The following GRID2 variants were observed in gnomAD, a reference collection of about 807,000 sequenced individuals.
GRID2 encodes the protein glutamate ionotropic receptor delta type subunit 2, also known as glutamate receptor ionotropic, delta-2.
Under a neutral mutation model 114.8 loss-of-function variants are expected in GRID2, and 33 were observed. That is an observed-to-expected ratio of 0.29 (90% CI 0.22 to 0.38). The LOEUF is 0.38. Among genes scored for constraint, GRID2 ranks in the 10% least tolerant of loss-of-function variants. The pLI, the probability that GRID2 is intolerant of heterozygous loss-of-function variation, is 1.00. For synonymous variants in GRID2, 505 were observed against 449.9 expected, an observed-to-expected ratio of 1.12 and a Z score of -1.55; for missense variants, 1,184 against 1,257.7, an observed-to-expected ratio of 0.94 and a Z score of 0.89.
intron 2 of GRID2, among the ~76,000 whole-genome samples, chr4:92,908,561 C>CAAAAAAAAAAAAAAAAA (rs762037449): frequency 2.8e-5 from 1 of 35,996 alleles, no homozygotes; most frequent in African/African-American, 8.9e-5. Flanking sequence ...GACTCCATCT[C>CAAAAAAAAAAAAAAAAA]AAAAAAAAAA....
At chr4:93,745,091 A>G (rs1462239402) in intron 14 of GRID2, among the ~76,000 whole-genome samples, 1 of 152,192 alleles carries the variant, frequency 6.6e-6, no homozygotes, top group Non-Finnish European at 1.5e-5. Context: ...TGGGAAAACA[A>G]AAACATGACT....
rs546628980 is a variant in GRID2 at position 92,991,791 on chromosome 4, T to C, written c.245-93204T>C. On this transcript the variant is annotated intron_variant, in intron 2 of 15. Transcript: ENST00000282020. ...GCTGCACCTGCGAGTAATTTAGGCC[T>C]GAGTACAAATACACAAAAGTTAGGA... Among the ~76,000 whole-genome samples, 15 of 152,302 alleles carry C rather than the reference T, an allele frequency of 9.8e-5. No individual in the cohort carries two copies. In the South Asian group the frequency reaches 3.1e-3, roughly 32 times the overall value.
intron 2 of GRID2, among the ~76,000 whole-genome samples, chr4:92,847,169 T>C (rs1456062948): frequency 1.3e-5 from 2 of 152,102 alleles, no homozygotes; most frequent in African/African-American, 4.8e-5. Context: ...TTAGCCATTG[T>C]CAGTGTTGCA....
intron 13 of GRID2, among the ~76,000 whole-genome samples, chr4:93,570,585 T>C (rs1735846205): frequency 2.0e-5 from 3 of 152,148 alleles, no homozygotes; most frequent in Admixed American, 1.3e-4. Flanking sequence ...CCAGCAAGCC[T>C]AAAGCTTGCT....
At chr4:92,429,209 A>G (rs543559602) in intron 1 of GRID2, among the ~76,000 whole-genome samples, 1 of 152,350 alleles carries the variant, frequency 6.6e-6, no homozygotes, top group African/African-American at 2.4e-5. Context: ...ATGCATAATA[A>G]GCACATCAGG....
chr4:92,804,447 G>A (rs1452861417), intron 2 of GRID2, among the ~76,000 whole-genome samples: 1 of 151,820 alleles, frequency 6.6e-6, no homozygotes, highest in African/African-American at 2.4e-5. Flanking sequence ...TATGTCAGGA[G>A]AAAAATTCTG....
rs974269244 is a variant in GRID2, at chr4:93,773,958, A to G, written c.*1460A>G. ...AAATGTAGAATGAACTTTGTTTGTA[A>G]TCCTTAAATTAAAATGTGGTAAGTA... On this transcript the variant is annotated 3_prime_UTR_variant, in exon 16 of 16. Coordinates refer to ENST00000282020, the MANE Select transcript of GRID2 (RefSeq NM_001510.4). 10 of 152,196 alleles carry G rather than the reference A, an allele frequency of 6.6e-5. No homozygotes were observed. The highest frequency in any genetic ancestry group is 1.0e-4 in the Non-Finnish European group (7 of 67,938). 9.4% of individuals were successfully genotyped at this position (152,196 alleles called of 1,614,324 possible).
chr4:92,998,143 T>G (rs1430024572), intron 2 of GRID2, among the ~76,000 whole-genome samples: 1 of 152,062 alleles, frequency 6.6e-6, no homozygotes, highest in Non-Finnish European at 1.5e-5. Flanking sequence ...CAGAACTTGC[T>G]CCCTTGAAAT....
intron 4 of GRID2, among the ~76,000 whole-genome samples, chr4:93,144,629 C>T (rs1249153134): frequency 1.3e-5 from 2 of 151,910 alleles, no homozygotes; most frequent in Non-Finnish European, 2.9e-5. Context: ...CAGAAATAGC[C>T]CAAAGTCATA....
intron 2 of GRID2, among the ~76,000 whole-genome samples, chr4:92,941,297 G>A (rs1354235227): frequency 1.3e-5 from 2 of 152,140 alleles, no homozygotes; most frequent in African/African-American, 2.4e-5. Context: ...TTAGTCTTGG[G>A]AGGGTGTATG....
At chr4:93,172,213 C>A (rs889354004) in intron 4 of GRID2, among the ~76,000 whole-genome samples, 1 of 152,122 alleles carries the variant, frequency 6.6e-6, no homozygotes, top group Admixed American at 6.5e-5. Context: ...GTCAAAGGAC[C>A]TGCTAATGTC....
chr4:92,603,006 C>A (rs957794103), intron 2 of GRID2, among the ~76,000 whole-genome samples: 4 of 152,008 alleles, frequency 2.6e-5, no homozygotes, highest in African/African-American at 9.7e-5. Flanking sequence ...AAGTGAAGGA[C>A]CTCTTCAAGG....
At chr4:92,804,062 T>A (rs1006565701) in intron 2 of GRID2, among the ~76,000 whole-genome samples, 6 of 151,982 alleles carry the variant, frequency 3.9e-5, no homozygotes, top group Admixed American at 3.9e-4. Context: ...TGTGTCTGTG[T>A]CATTACATCG....
intron 2 of GRID2, among the ~76,000 whole-genome samples, chr4:92,746,380 T>C (rs1253251616): frequency 6.6e-6 from 1 of 152,152 alleles, no homozygotes; most frequent in Non-Finnish European, 1.5e-5. Context: ...AATTTATATG[T>C]AGTTTTATCC....
intron 1 of GRID2, among the ~76,000 whole-genome samples, chr4:92,501,571 C>G (rs1009257055): frequency 6.6e-6 from 1 of 152,102 alleles, no homozygotes; most frequent in Non-Finnish European, 1.5e-5. Flanking sequence ...CTGCCTTCTT[C>G]CTCTAATGAT....
intron 2 of GRID2, among the ~76,000 whole-genome samples, chr4:92,654,964 G>A (rs1340372332): frequency 6.6e-6 from 1 of 151,872 alleles, no homozygotes; most frequent in Non-Finnish European, 1.5e-5. Flanking sequence ...TCTTTGCTTA[G>A]CCTGATGTCC....
intron 14 of GRID2, among the ~76,000 whole-genome samples, chr4:93,753,454 A>T: frequency 6.6e-6 from 1 of 151,960 alleles, no homozygotes; most frequent in Admixed American, 6.6e-5. Flanking sequence ...TTAACTCGTC[A>T]TTTGTATTAG....
chr4:92,676,314 G>A (rs1391817096), intron 2 of GRID2, among the ~76,000 whole-genome samples: 1 of 151,700 alleles, frequency 6.6e-6, no homozygotes. Flanking sequence ...CGAGTAGCTG[G>A]GACTACAGGT....
chr4:93,527,243 T>C (rs1023673370), intron 13 of GRID2, among the ~76,000 whole-genome samples: 3 of 152,226 alleles, frequency 2.0e-5, no homozygotes, highest in Non-Finnish European at 2.9e-5. Context: ...CACTAAAGCT[T>C]CTGATTATAA....
Sources: gnomAD v4.1 joint callset for allele counts (sites outside exome capture counted in the v4.1 genomes callset) on GRCh38, gnomAD v4.1.1 for gene constraint, MANE v1.5 for transcripts, NCBI Gene and HGNC (gene_info 2026-07-23, HGNC 2026-07-21) for gene names.